NRXN3: variants seen among roughly 807,000 people sequenced by gnomAD.
The protein encoded by NRXN3 is neurexin 3.
Under a neutral mutation model 137.6 loss-of-function variants are expected in NRXN3, and 32 were observed. The ratio of observed to expected loss-of-function variants is 0.23; its 90% CI spans 0.18 to 0.31. NRXN3 has a LOEUF of 0.31. NRXN3 is among the 10% of genes least tolerant of loss of function. The pLI is 1.00. For missense variants in NRXN3, 1,574 were observed against 2,062.5 expected, an observed-to-expected ratio of 0.76 and a Z score of 4.59; for synonymous variants, 798 against 784.5, an observed-to-expected ratio of 1.02 and a Z score of -0.29.
chr14:78,909,003 G>A (rs154324), intron 10 of NRXN3, among the ~76,000 whole-genome samples: 45,631 of 151,880 alleles, frequency 0.3, 10,964 homozygotes, highest in African/African-American at 0.65. Context: ...TATTAACAGC[G>A]GAAACAGTAG....
At chr14:78,497,463 TAAAG>T (rs1467047053) in intron 4 of NRXN3, among the ~76,000 whole-genome samples, 1 of 152,148 alleles carries the variant, frequency 6.6e-6, no homozygotes, top group East Asian at 1.9e-4. Context: ...TATTGATTTA[TAAAG>T]AGAGAGGCTA....
At chr14:79,675,567 G>C (rs1350218830) in intron 17 of NRXN3, among the ~76,000 whole-genome samples, 1 of 152,062 alleles carries the variant, frequency 6.6e-6, no homozygotes, top group Non-Finnish European at 1.5e-5. Flanking sequence ...GGAATAAAGA[G>C]AGCAAGAGTA....
Position 79,722,242 on chromosome 14 carries a change from T to C in NRXN3, c.4014+24305T>C, listed in dbSNP as rs1294469489. ...TTTAGTAATGTCTTCAATGGTTTCCTGGATTCCAATTTTGCCTATCTTCAA... is the reference window on the plus strand; with the variant it reads ...TTTAGTAATGTCTTCAATGGTTTCCCGGATTCCAATTTTGCCTATCTTCAA... On this transcript the variant is annotated intron_variant, in intron 19 of 20. Transcript: ENST00000335750. Among the ~76,000 whole-genome samples, 4 of 152,142 alleles carry C rather than the reference T, an allele frequency of 2.6e-5. No homozygotes were observed. In the East Asian group the frequency reaches 7.7e-4, roughly 29 times the overall value.
At chr14:78,719,710 T>G (rs2098450738) in intron 8 of NRXN3, among the ~76,000 whole-genome samples, 1 of 151,960 alleles carries the variant, frequency 6.6e-6, no homozygotes, top group Non-Finnish European at 1.5e-5. Flanking sequence ...GGCTTGGTGG[T>G]GCATGCCTGC....
At chr14:78,281,767 G>T (rs553296505) in intron 3 of NRXN3, among the ~76,000 whole-genome samples, 46 of 152,302 alleles carry the variant, frequency 3.0e-4, no homozygotes, top group Admixed American at 2.7e-3. Context: ...AAAAGCTGCT[G>T]CAGGGAGCTT....
chr14:79,585,984 C>T (rs1002089989), intron 16 of NRXN3, among the ~76,000 whole-genome samples: 13 of 152,194 alleles, frequency 8.5e-5, no homozygotes, highest in African/African-American at 2.4e-4. Context: ...AAGTTTGTGG[C>T]GTAGCATATG....
chr14:78,489,779 C>T (rs945674503), intron 4 of NRXN3, among the ~76,000 whole-genome samples: 2 of 151,718 alleles, frequency 1.3e-5, no homozygotes, highest in East Asian at 1.9e-4. Context: ...AGAATTTGGG[C>T]GGGGTGGGAG....
At chr14:78,545,005 C>G (rs1033569982) in intron 4 of NRXN3, among the ~76,000 whole-genome samples, 1 of 152,168 alleles carries the variant, frequency 6.6e-6, no homozygotes, top group African/African-American at 2.4e-5. Flanking sequence ...TGCAGCAGAG[C>G]CTGATTAGCT....
At chr14:78,341,350 A>C (rs1441413302) in intron 4 of NRXN3, among the ~76,000 whole-genome samples, 2 of 152,182 alleles carry the variant, frequency 1.3e-5, no homozygotes, top group African/African-American at 4.8e-5. Context: ...ACAAGCTCCC[A>C]GGTGATGCCC....
rs148525897 is a variant in NRXN3, at chr14:78,298,454, G to A, written c.757+594G>A. Among the ~76,000 whole-genome samples, 1,197 of 152,274 alleles carry A rather than the reference G, an allele frequency of 7.9e-3. 23 individuals carry two copies. Among genetic ancestry groups the A allele is most frequent in the Non-Finnish European group, 6.0e-3 (406 of 68,026 alleles). On this transcript the variant is annotated intron_variant, in intron 4 of 20. Coordinates refer to ENST00000335750, the MANE Select transcript of NRXN3 (RefSeq NM_001330195.2). ...AGAATACTAACTCATTATACACCCT[G>A]AAGAAAACTGCATATAAAGATCTGT...
At chr14:79,279,975 C>T (rs2080988013) in intron 15 of NRXN3, 2 of 1,152,944 alleles carry the variant, frequency 1.7e-6, no homozygotes, top group Admixed American at 4.5e-5. Context: ...CGGAGGAAGC[C>T]GCGCCGGTCT....
intron 10 of NRXN3, among the ~76,000 whole-genome samples, chr14:78,814,864 T>C (rs1463762916): frequency 6.6e-6 from 1 of 152,196 alleles, no homozygotes; most frequent in Non-Finnish European, 1.5e-5. Flanking sequence ...CACTAATTTA[T>C]TCTATCCCTT....
intron 1 of NRXN3, among the ~76,000 whole-genome samples, chr14:78,203,207 C>A (rs529865136): frequency 1.3e-5 from 2 of 152,316 alleles, no homozygotes; most frequent in South Asian, 4.1e-4. Context: ...ACCAGGTGTG[C>A]TGAAGGCAGA....
At chr14:78,831,244 G>A (rs1335367911) in intron 10 of NRXN3, among the ~76,000 whole-genome samples, 6 of 152,064 alleles carry the variant, frequency 3.9e-5, no homozygotes, top group Non-Finnish European at 7.4e-5. Context: ...AACTGATGAC[G>A]CAAGCCACGA....
In NRXN3 at chr14:78,803,624, A is replaced by G. The variant is rs1567356434; in HGVS notation, c.2049A>G (p.Ala683=). The G allele has an allele frequency of 1.9e-6, 3 of 1,613,470 alleles. No individual in the cohort carries two copies. The highest frequency in any genetic ancestry group is 2.5e-6 in the Non-Finnish European group (3 of 1,179,480). Residue 683 remains alanine (A), a synonymous_variant, in exon 9 of 21, where the codon GCA becomes GCG. Coordinates refer to ENST00000335750, the MANE Select transcript of NRXN3 (RefSeq NM_001330195.2). ...TTCTCCATTCTTCTTTGGCAGAGGCATCCATCCTGAGCTATGATGGTAGCA... is the reference window on the plus strand; with the variant it reads ...TTCTCCATTCTTCTTTGGCAGAGGCGTCCATCCTGAGCTATGATGGTAGCA... ...GYWGRTCERE[A]SILSYDGSMY... is the part of the protein sequence containing the mutation.
intron 6 of NRXN3, among the ~76,000 whole-genome samples, chr14:78,668,580 G>C (rs1181518548): frequency 6.6e-6 from 1 of 152,106 alleles, no homozygotes; most frequent in Non-Finnish European, 1.5e-5. Flanking sequence ...CAAGATTGTT[G>C]GTGCACTGTA....
At chr14:78,907,824 G>A (rs959579308) in intron 10 of NRXN3, among the ~76,000 whole-genome samples, 8 of 151,772 alleles carry the variant, frequency 5.3e-5, no homozygotes, top group Non-Finnish European at 1.2e-4. Context: ...CCCAGTGTGT[G>A]TTCTTCCCCT....
At chr14:79,550,039 G>A (rs59693725) in intron 16 of NRXN3, among the ~76,000 whole-genome samples, 5,111 of 151,828 alleles carry the variant, frequency 0.034, 269 homozygotes, top group East Asian at 0.25. Context: ...GCATGATCTC[G>A]GCTCACTGCA....
intron 20 of NRXN3, among the ~76,000 whole-genome samples, chr14:79,818,741 C>G (rs1376409135): frequency 6.6e-6 from 1 of 152,264 alleles, no homozygotes; most frequent in Non-Finnish European, 1.5e-5. Context: ...TTTTGTGGGT[C>G]TTTGAGTTTC....
Sources: gnomAD v4.1 joint callset for allele counts (sites outside exome capture counted in the v4.1 genomes callset) on GRCh38, gnomAD v4.1.1 for gene constraint, MANE v1.5 for transcripts, NCBI Gene and HGNC (gene_info 2026-07-23, HGNC 2026-07-21) for gene names.